ANKRD27: variants seen among roughly 807,000 people sequenced by gnomAD.
ANKRD27 encodes ankyrin repeat domain 27, also known as ankyrin repeat domain-containing protein 27.
In ANKRD27, 112 loss-of-function variants were observed where a neutral mutation model predicts 129.7. That is an observed-to-expected ratio of 0.86 (90% confidence interval 0.74 to 1.01). The LOEUF (loss-of-function observed/expected upper bound fraction) is 1.01. ANKRD27 is among the 50% of genes least tolerant of loss of function. The pLI is 0.00. For missense variants in ANKRD27, 1,258 were observed against 1,300.5 expected (o/e 0.97, Z 0.50); for synonymous variants, 516 against 511.2 (o/e 1.01, Z -0.13).
At chr19:32,628,909 A>C in intron 13 of ANKRD27, 60 bp from the exon 14 acceptor site, 3 of 1,595,366 alleles carry the variant, frequency 1.9e-6, no homozygotes, top group Non-Finnish European at 2.6e-6. Flanking sequence ...ATTAGGAGTA[A>C]ATTTTTTGAG....
intron 22 of ANKRD27, 82 bp from the exon 23 acceptor site, chr19:32,607,914 C>T (rs535863210): frequency 3.0e-6 from 4 of 1,343,662 alleles, no homozygotes; most frequent in Non-Finnish European, 3.1e-6. Context: ...ATGTGCCCCC[C>T]ACAGCTCCCA....
At chr19:32,644,268 C>A in intron 5 of ANKRD27, 57 bp downstream of exon 5, 1 of 1,572,512 alleles carries the variant, frequency 6.4e-7, no homozygotes, top group Non-Finnish European at 8.7e-7. Flanking sequence ...GGGCTCCCAG[C>A]ACCCTGCACT....
At chr19:32,628,247 C>T in intron 14 of ANKRD27, 82 bp from the exon 15 acceptor site, 1 of 1,206,296 alleles carries the variant, frequency 8.3e-7, no homozygotes, top group Non-Finnish European at 1.2e-6. Flanking sequence ...TAGGCAGGTA[C>T]CACAGACAGA....
At chr19:32,640,528 C>T in intron 10 of ANKRD27, 143 bp from the exon 11 acceptor site, 2 of 693,886 alleles carry the variant, frequency 2.9e-6, no homozygotes, top group South Asian at 1.7e-5. Flanking sequence ...TGCACAAGCT[C>T]CTTTACAGCG....
intron 26 of ANKRD27, among the ~76,000 whole-genome samples, chr19:32,601,735 T>A (rs1025921575): frequency 1.3e-5 from 2 of 151,694 alleles, no homozygotes; most frequent in Admixed American, 1.3e-4. Flanking sequence ...CTGTTCCCCA[T>A]CTCCATAGGC....
rs78779272 is a variant in ANKRD27, at chr19:32,613,944, G to A, written c.2175+1714C>T. Among the ~76,000 whole-genome samples the A allele has an allele frequency of 5.6e-3, 858 of 152,188 alleles. 32 individuals carry two copies. The East Asian group carries it at 0.099, about 18-fold the overall frequency. On this transcript the variant is annotated intron_variant, in intron 22 of 28. Transcript: ENST00000306065. ...AGGATGGTCTTGATCTTCTAACTTC[G>A]TGATCCACCTGCCTCGGCCTCCCAA...
intron 3 of ANKRD27, among the ~76,000 whole-genome samples, chr19:32,648,920 T>A (rs1198365870): frequency 6.6e-6 from 1 of 151,596 alleles, no homozygotes; most frequent in Admixed American, 6.6e-5. Context: ...TCAACTTTAC[T>A]AAAACATTTG....
At chr19:32,629,315 T>C (rs1276285399) in intron 13 of ANKRD27, among the ~76,000 whole-genome samples, 3 of 152,084 alleles carry the variant, frequency 2.0e-5, no homozygotes, top group Non-Finnish European at 4.4e-5. Context: ...GTAGGGAAAG[T>C]AGGTGAGGAG....
rs550103410 is a variant in ANKRD27, at chr19:32,646,336, A to C, written c.370+123T>G. The C allele has an allele frequency of 3.9e-5, 36 of 928,366 alleles. No homozygotes were observed. In the African/African-American group the frequency reaches 5.5e-4, roughly 14 times the overall value. The allele number at this position is 928,366 out of a possible 1,614,324, so 57.5% of individuals were successfully genotyped here. On this transcript the variant is annotated intron_variant, in intron 4 of 28. Coordinates refer to ENST00000306065, the MANE Select transcript of ANKRD27 (RefSeq NM_032139.3). ...CTTGTGCCTCGGCCTCCCAAAGTGC[A>C]GGGATTACAGGCGCGAGCCACCATA...
intron 1 of ANKRD27, 63 bp from the exon 2 acceptor site, chr19:32,659,108 C>CTGCATCTGA: frequency 1.3e-6 from 1 of 758,438 alleles, no homozygotes; most frequent in Non-Finnish European, 2.3e-6. Context: ...ACATGAAAGT[C>CTGCATCTGA]TGCATCTGAT....
intron 20 of ANKRD27, among the ~76,000 whole-genome samples, chr19:32,618,451 GAAAA>G (rs55674756): frequency 6.0e-5 from 6 of 100,300 alleles, no homozygotes; most frequent in Admixed American, 1.2e-4. Flanking sequence ...GTCCCAAAAA[GAAAA>G]AAAAAAAAAA....
At position 32,607,761 on chromosome 19, in the gene ANKRD27, A is replaced by G; in HGVS notation, c.2247T>C (p.His749=). The G allele has an allele frequency of 6.2e-7, 1 of 1,612,990 alleles. No homozygotes were observed. Among genetic ancestry groups the G allele is most frequent in the South Asian group, 1.1e-5 (1 of 90,984 alleles). ...CCGCCCGGCCGTGCAGGGCGGCGAC[A>G]TGCAGCGGGGAGGAGCCGTCCTGGC... ...VTSQDGSSPL[H]VAALHGRADL... is the part of the protein sequence containing the mutation. Residue 749 remains histidine, a synonymous_variant, in exon 23 of 29, where the codon CAT becomes CAC. Transcript: ENST00000306065.
Position 32,658,928 on chromosome 19 carries a change from G to A in ANKRD27, c.88C>T (p.Gln30Ter). 1 of 1,613,990 alleles carries A rather than the reference G, an allele frequency of 6.2e-7. No homozygotes were observed. The highest frequency in any genetic ancestry group is 8.5e-7 in the Non-Finnish European group (1 of 1,179,966). ...CRPDLCSKVA[Q>*]IHGIVLVPCK... ...AGTGCACTTACAATGCCATGGATTTGGGCCACTTTGCTGCACAAGTCAGGG... is the reference window on the plus strand; with the variant it reads ...AGTGCACTTACAATGCCATGGATTTAGGCCACTTTGCTGCACAAGTCAGGG... The change falls in exon 2 of 29, where the codon CAA becomes TAA. Residue 30 changes from glutamine to a stop codon, truncating the protein, a stop_gained. Transcript: ENST00000306065. LOFTEE classifies it high-confidence loss of function.
At chr19:32,627,953 G>T in intron 15 of ANKRD27, 130 bp downstream of exon 15, 1 of 790,228 alleles carries the variant, frequency 1.3e-6, no homozygotes, top group South Asian at 1.6e-5. Context: ...GGCCCTTGGA[G>T]GGTGGACCCA....
chr19:32,673,765 G>A (rs1231687131), intron 1 of ANKRD27, among the ~76,000 whole-genome samples: 1 of 152,098 alleles, frequency 6.6e-6, no homozygotes, highest in Non-Finnish European at 1.5e-5. Context: ...ACGGACCCCT[G>A]GGTGACAGCA....
At chr19:32,609,774 C>A (rs941839144) in intron 22 of ANKRD27, among the ~76,000 whole-genome samples, 1 of 151,914 alleles carries the variant, frequency 6.6e-6, no homozygotes, top group East Asian at 1.9e-4. Context: ...ATCTGTAAAA[C>A]TTGCCAAATT....
chr19:32,615,826 T>C (rs1374938982), intron 21 of ANKRD27, 46 bp from the exon 22 acceptor site: 7 of 1,593,588 alleles, frequency 4.4e-6, no homozygotes, highest in South Asian at 1.1e-5. Context: ...CTCAGCGTCT[T>C]TGCATGCACA....
In ANKRD27 at chr19:32,628,892, C is replaced by T. The variant is rs138679132; in HGVS notation, c.1210-43G>A. On this transcript the variant is annotated intron_variant, in intron 13 of 28. Transcript: ENST00000306065. ...AGATGCTATCCACATGCTGGAATTA[C>T]TCAATTATTAGGAGTAAATTTTTTG... The T allele has an allele frequency of 5.0e-6, 8 of 1,609,702 alleles. No homozygotes were observed. In the African/African-American group the frequency reaches 9.3e-5, roughly 19 times the overall value.
intron 4 of ANKRD27, among the ~76,000 whole-genome samples, chr19:32,644,766 G>C (rs963197209): frequency 1.3e-5 from 2 of 152,152 alleles, no homozygotes; most frequent in African/African-American, 4.8e-5. Flanking sequence ...CAATTTTCTG[G>C]GGCAAATGAA....
Sources: gnomAD v4.1 joint callset for allele counts (sites outside exome capture counted in the v4.1 genomes callset) on GRCh38, gnomAD v4.1.1 for gene constraint, MANE v1.5 for transcripts, NCBI Gene and HGNC (gene_info 2026-07-23, HGNC 2026-07-21) for gene names.